Variants in ITPR1 observed in about 807,000 individuals in gnomAD.
The protein encoded by ITPR1 is inositol 1,4,5-trisphosphate-gated calcium channel ITPR1.
A neutral mutation model predicts 318.4 loss-of-function variants in ITPR1; 96 were observed. That is an observed-to-expected ratio of 0.30 (90% CI 0.26 to 0.36). ITPR1 has a LOEUF of 0.36. ITPR1 is among the 10% of genes least tolerant of loss of function. ITPR1 has a pLI of 1.00. For missense variants in ITPR1, 2,440 were observed against 3,460.2 expected, an observed-to-expected ratio of 0.71 and a Z score of 7.40; for synonymous variants, 1,312 against 1,289.9, an observed-to-expected ratio of 1.02 and a Z score of -0.37.
intron 4 of ITPR1, among the ~76,000 whole-genome samples, chr3:4,591,780 A>G (rs1240546910): frequency 1.3e-5 from 2 of 152,208 alleles, no homozygotes; most frequent in African/African-American, 4.8e-5. Context: ...GAAATATCAG[A>G]GGTGATCCTG....
chr3:4,673,723 C>T (rs1162078155), intron 21 of ITPR1, among the ~76,000 whole-genome samples: 2 of 152,092 alleles, frequency 1.3e-5, no homozygotes, highest in Non-Finnish European at 2.9e-5. Flanking sequence ...GCTGGGACTA[C>T]AGACGCCCAC....
At chr3:4,638,155 A>G (rs138581729) in intron 5 of ITPR1, among the ~76,000 whole-genome samples, 3 of 152,278 alleles carry the variant, frequency 2.0e-5, no homozygotes, top group East Asian at 1.9e-4. Flanking sequence ...TACCTGGGAA[A>G]GAGGACCCAC....
At chr3:4,670,548 T>A (rs938267808) in intron 19 of ITPR1, among the ~76,000 whole-genome samples, 181 bp from the exon 20 acceptor site, 1 of 152,168 alleles carries the variant, frequency 6.6e-6, no homozygotes, top group Non-Finnish European at 1.5e-5. Context: ...AGCAGCACCA[T>A]AGTCGAGAAC....
intron 4 of ITPR1, among the ~76,000 whole-genome samples, chr3:4,614,007 C>T (rs1200677841): frequency 6.6e-6 from 1 of 152,200 alleles, no homozygotes; most frequent in Non-Finnish European, 1.5e-5. Flanking sequence ...TTAATGCTGT[C>T]ACTCTAGTTG....
In ITPR1 at chr3:4,739,077, G is replaced by T. The variant is rs574558997; in HGVS notation, c.5544+3723G>T. ...AAGCTTCTCTTTCTCTGGAGAAAAT[G>T]ATGTGGAACTAGGGTTGTGTCTGGG... On this transcript the variant is annotated intron_variant, in intron 44 of 61. Coordinates refer to ENST00000649015, the MANE Select transcript of ITPR1 (RefSeq NM_001378452.1). 1.5e-4 allele frequency among the ~76,000 whole-genome samples: 23 copies of T among 152,356 alleles called. 1 individual carries two copies. The East Asian group carries it at 4.4e-3, about 29-fold the overall frequency.
intron 40 of ITPR1, among the ~76,000 whole-genome samples, chr3:4,720,866 C>T (rs1369559343): frequency 6.6e-6 from 1 of 152,036 alleles, no homozygotes; most frequent in African/African-American, 2.4e-5. Context: ...GACGCCCAAC[C>T]CAGGGTGGAG....
chr3:4,762,744 C>T (rs1212375036), intron 44 of ITPR1, among the ~76,000 whole-genome samples: 1 of 152,220 alleles, frequency 6.6e-6, no homozygotes, highest in Non-Finnish European at 1.5e-5. Context: ...ACCTGCCCTG[C>T]TAATTCCTCT....
intron 16 of ITPR1, among the ~76,000 whole-genome samples, chr3:4,664,005 G>T (rs1393845652): frequency 6.6e-6 from 1 of 152,170 alleles, no homozygotes; most frequent in Non-Finnish European, 1.5e-5. Flanking sequence ...GATTTTTAGC[G>T]TACTTGTTGG....
At chr3:4,716,013 C>T (rs538465492) in intron 39 of ITPR1, among the ~76,000 whole-genome samples, 7 of 152,244 alleles carry the variant, frequency 4.6e-5, no homozygotes, top group African/African-American at 7.2e-5. Context: ...CTTCTCAGAT[C>T]GTTAAATATA....
At chr3:4,822,044 G>A (rs992354845) in intron 60 of ITPR1, among the ~76,000 whole-genome samples, 8 of 152,228 alleles carry the variant, frequency 5.3e-5, no homozygotes, top group South Asian at 2.1e-4. Context: ...GAAGATCCAA[G>A]GTGAGAGTTT....
chr3:4,503,645 A>G (rs1324108686), intron 2 of ITPR1, among the ~76,000 whole-genome samples: 1 of 151,952 alleles, frequency 6.6e-6, no homozygotes, highest in Admixed American at 6.6e-5. Flanking sequence ...CATTTTGTGA[A>G]CAGATCCTAT....
chr3:4,759,799 T>C lies in ITPR1; in HGVS notation c.5545-6731T>C, dbSNP rs531816744. Among the ~76,000 whole-genome samples, 6 of 152,362 alleles carry C rather than the reference T, an allele frequency of 3.9e-5. No homozygotes were observed. The East Asian group carries it at 1.2e-3, about 29-fold the overall frequency. ...TCCAGTGCTTCCAGCTGCAGAGTTC[T>C]GTGATCTGTGTTCTCTTGCTCTTTT... On this transcript the variant is annotated intron_variant, in intron 44 of 61. Coordinates refer to ENST00000649015, the MANE Select transcript of ITPR1 (RefSeq NM_001378452.1).
At chr3:4,817,757 C>T (rs1020665799) in intron 59 of ITPR1, among the ~76,000 whole-genome samples, 11 of 152,204 alleles carry the variant, frequency 7.2e-5, no homozygotes, top group Non-Finnish European at 1.6e-4. Context: ...GAGTGTCACA[C>T]ACATTCTCAT....
intron 4 of ITPR1, among the ~76,000 whole-genome samples, chr3:4,606,166 C>G (rs900019706): frequency 1.3e-5 from 2 of 152,012 alleles, no homozygotes; most frequent in African/African-American, 4.8e-5. Context: ...GTCACCATAC[C>G]CATTGCACAG....
intron 4 of ITPR1, among the ~76,000 whole-genome samples, chr3:4,574,545 T>A (rs1010330241): frequency 1.3e-5 from 2 of 152,376 alleles, no homozygotes; most frequent in Admixed American, 1.3e-4. Context: ...TTGTTTGGGA[T>A]CATACTGGCA....
At chr3:4,809,790 G>C (rs1036035034) in intron 55 of ITPR1, among the ~76,000 whole-genome samples, 2 of 152,156 alleles carry the variant, frequency 1.3e-5, no homozygotes, top group African/African-American at 2.4e-5. Context: ...CTTAACCACA[G>C]AAAACAAGTG....
chr3:4,733,319 A>C, intron 43 of ITPR1, 99 bp downstream of exon 43: 4 of 1,387,914 alleles, frequency 2.9e-6, no homozygotes, highest in Non-Finnish European at 4.0e-6. Context: ...ACAACAGATG[A>C]ATTTGTGTTG....
At chr3:4,705,282 G>A (rs1467276038) in intron 36 of ITPR1, among the ~76,000 whole-genome samples, 1 of 152,130 alleles carries the variant, frequency 6.6e-6, no homozygotes, top group East Asian at 1.9e-4. Context: ...TGTAGCAAGG[G>A]TAATACAGAG....
chr3:4,821,822 A>G (rs1045410178), intron 60 of ITPR1, among the ~76,000 whole-genome samples: 1 of 152,068 alleles, frequency 6.6e-6, no homozygotes, highest in Non-Finnish European at 1.5e-5. Flanking sequence ...GGAAAGAGGG[A>G]CCACGTAAAG....
Sources: gnomAD v4.1 joint callset for allele counts (sites outside exome capture counted in the v4.1 genomes callset) on GRCh38, gnomAD v4.1.1 for gene constraint, MANE v1.5 for transcripts, NCBI Gene and HGNC (gene_info 2026-07-23, HGNC 2026-07-21) for gene names.